Variants in CUBN observed in about 807,000 individuals in gnomAD.
The protein encoded by CUBN is 460 kDa receptor.
Under a neutral mutation model 405.3 loss-of-function variants are expected in CUBN, and 282 were observed. That is an observed-to-expected ratio of 0.70 (90% CI 0.63 to 0.77). CUBN has a LOEUF of 0.77. CUBN is among the 30% of genes least tolerant of loss of function. The pLI is 0.00. For synonymous variants in CUBN, 1,684 were observed against 1,617.0 expected, an observed-to-expected ratio of 1.04 and a Z score of -0.99; for missense variants, 4,514 against 4,475.2, an observed-to-expected ratio of 1.01 and a Z score of -0.25.
At chr10:16,848,905 T>C (rs1039717494) in intron 60 of CUBN, among the ~76,000 whole-genome samples, 3 of 152,034 alleles carry the variant, frequency 2.0e-5, no homozygotes, top group African/African-American at 7.2e-5. Flanking sequence ...GTTCTCACTA[T>C]GTTGCCAGGG....
At chr10:16,894,223 T>G (rs867668176) in intron 54 of CUBN, among the ~76,000 whole-genome samples, 3 of 152,246 alleles carry the variant, frequency 2.0e-5, no homozygotes, top group Middle Eastern at 3.4e-3. Flanking sequence ...GGGGTAAAAT[T>G]TATCATTTTA....
At position 16,940,050 on chromosome 10, in the gene CUBN, G is replaced by A. The variant is rs1564435943; in HGVS notation, c.5530C>T (p.Gln1844Ter). The A allele has an allele frequency of 6.2e-7, 1 of 1,613,878 alleles. No individual in the cohort carries two copies. Among genetic ancestry groups the A allele is most frequent in the South Asian group, 1.1e-5 (1 of 91,082 alleles). The change falls in exon 37 of 67, where the codon CAG becomes TAG. Residue 1844 changes from glutamine (Q) to a stop codon, truncating the protein, a stop_gained. Transcript: ENST00000377833. LOFTEE classifies it high-confidence loss of function. The stretch of plus-strand genomic sequence containing the variant: ...AACTTACTCTTCATAAATGTGGCCT[G>A]GAAGCCCGTGCCGCTGCCAGAACCA... ...SDGSGSGTGF[Q>*]ATFMKIFGND...
chr10:16,951,878 C>T (rs1842930412), intron 33 of CUBN, among the ~76,000 whole-genome samples: 1 of 152,144 alleles, frequency 6.6e-6, no homozygotes, highest in Non-Finnish European at 1.5e-5. Flanking sequence ...CACTCAGCAA[C>T]TGTCTTGAAC....
chr10:17,055,836 T>C (rs2131831726), intron 22 of CUBN, among the ~76,000 whole-genome samples: 1 of 152,208 alleles, frequency 6.6e-6, no homozygotes, highest in South Asian at 2.1e-4. Context: ...TAAGATGACC[T>C]TTATCCCCAA....
intron 28 of CUBN, among the ~76,000 whole-genome samples, chr10:16,999,925 G>A (rs1037664462): frequency 7.2e-5 from 11 of 152,142 alleles, no homozygotes; most frequent in Admixed American, 7.2e-4. Flanking sequence ...TCCACCCGGA[G>A]AAATGGACAC....
intron 44 of CUBN, among the ~76,000 whole-genome samples, chr10:16,919,042 C>T (rs1329013582): frequency 6.6e-6 from 1 of 152,204 alleles, no homozygotes; most frequent in Non-Finnish European, 1.5e-5. Context: ...AGAATATTTA[C>T]TTCCCTTCCA....
intron 17 of CUBN, among the ~76,000 whole-genome samples, chr10:17,073,725 C>T (rs376335171): frequency 9.2e-5 from 14 of 152,136 alleles, no homozygotes; most frequent in African/African-American, 2.7e-4. Context: ...GGATTACACG[C>T]GTGAGCCACT....
intron 15 of CUBN, 89 bp from the exon 16 acceptor site, chr10:17,085,848 C>A: frequency 8.2e-7 from 1 of 1,214,038 alleles, no homozygotes; most frequent in Non-Finnish European, 1.2e-6. Flanking sequence ...TAAAATCTAT[C>A]ATTTAAAAGT....
At chr10:17,023,896 T>C (rs1422972288) in intron 27 of CUBN, among the ~76,000 whole-genome samples, 1 of 152,200 alleles carries the variant, frequency 6.6e-6, no homozygotes, top group Non-Finnish European at 1.5e-5. Context: ...GATGTGTATA[T>C]TACAAAACCT....
chr10:17,054,489 T>G (rs1049141815), intron 22 of CUBN, among the ~76,000 whole-genome samples: 1 of 151,900 alleles, frequency 6.6e-6, no homozygotes, highest in Non-Finnish European at 1.5e-5. Flanking sequence ...ATCAATTAAA[T>G]GGAAAATGCA....
rs1031122872 is a variant in CUBN, at chr10:16,914,641, G to C, written c.7351+391C>G. On this transcript the variant is annotated intron_variant, in intron 47 of 66. Coordinates refer to ENST00000377833, the MANE Select transcript of CUBN (RefSeq NM_001081.4). ...AACCCCAACACTTTGGGAGGTCAAGGCAAGACCCCATGTTCACAAAAAAAA... is the reference window on the plus strand; with the variant it reads ...AACCCCAACACTTTGGGAGGTCAAGCCAAGACCCCATGTTCACAAAAAAAA... 2.0e-5 allele frequency among the ~76,000 whole-genome samples: 3 copies of C among 147,810 alleles called. No homozygotes were observed. In the Admixed American group the frequency reaches 2.0e-4, roughly 10 times the overall value.
chr10:16,938,703 A>G (rs1842581142), intron 38 of CUBN, among the ~76,000 whole-genome samples: 1 of 152,232 alleles, frequency 6.6e-6, no homozygotes, highest in Admixed American at 6.5e-5. Flanking sequence ...TATTTAGGAC[A>G]TACATGCATG....
chr10:17,025,249 A>G (rs1032998322), intron 27 of CUBN, among the ~76,000 whole-genome samples: 2 of 152,188 alleles, frequency 1.3e-5, no homozygotes, highest in Non-Finnish European at 2.9e-5. Flanking sequence ...ACTATACTCA[A>G]TCAGTTTATA....
intron 28 of CUBN, among the ~76,000 whole-genome samples, chr10:16,993,068 T>C (rs917905847): frequency 1.3e-5 from 2 of 152,220 alleles, no homozygotes; most frequent in East Asian, 1.9e-4. Flanking sequence ...ATGTAACTCG[T>C]GTTAAGATGT....
Position 17,100,113 on chromosome 10 carries a change from G to A in CUBN, c.1657C>T (p.Leu553Phe), listed in dbSNP as rs1263298909. 1 of 1,613,842 alleles carries A rather than the reference G, an allele frequency of 6.2e-7. No individual in the cohort carries two copies. Among genetic ancestry groups the A allele is most frequent in the South Asian group, 1.1e-5 (1 of 91,072 alleles). The change falls in exon 14 of 67, where the codon CTC becomes TTC. Residue 553 changes from leucine (L) to phenylalanine (F), a missense_variant. This residue lies in a region of CUBN where 1,448 missense variants were observed against 1,388.0 expected (regional missense o/e 1.04). Transcript: ENST00000377833. Reference sequence around the variant, plus strand: ...TCACTGCTGAGGAGTTCATGAGGGAGGCTGGAGCCACAAAATCTTCCAAGT... The same window carrying A: ...TCACTGCTGAGGAGTTCATGAGGGAAGCTGGAGCCACAAAATCTTCCAAGT... ...FQLGRFCGSS[L>F]PHELLSSDNA...
At chr10:16,954,005 G>A (rs1275983079) in intron 32 of CUBN, among the ~76,000 whole-genome samples, 1 of 152,086 alleles carries the variant, frequency 6.6e-6, no homozygotes, top group Non-Finnish European at 1.5e-5. Flanking sequence ...CAGAAATGAG[G>A]GAAACCACTG....
intron 22 of CUBN, among the ~76,000 whole-genome samples, chr10:17,050,644 G>A (rs951213439): frequency 4.6e-5 from 7 of 152,146 alleles, no homozygotes; most frequent in Non-Finnish European, 1.0e-4. Context: ...ATCATTTAGA[G>A]TTCTCTCCCA....
At chr10:17,109,270 G>T (rs1238902517) in intron 10 of CUBN, among the ~76,000 whole-genome samples, 2 of 152,144 alleles carry the variant, frequency 1.3e-5, no homozygotes, top group African/African-American at 4.8e-5. Flanking sequence ...CTGAAATATA[G>T]AGTGTACTTC....
chr10:16,887,672 C>T (rs965637748), intron 56 of CUBN, among the ~76,000 whole-genome samples: 1 of 152,046 alleles, frequency 6.6e-6, no homozygotes, highest in African/African-American at 2.4e-5. Flanking sequence ...TGGCAGTTTC[C>T]CAAAACATTA....
Sources: allele counts gnomAD v4.1 joint callset (sites outside exome capture counted in the v4.1 genomes callset), GRCh38; gene constraint gnomAD v4.1.1; regional missense constraint gnomAD v4.1.1; transcripts MANE v1.5; gene names NCBI Gene and HGNC (gene_info 2026-07-23, HGNC 2026-07-21).